Variants in ACACA observed in about 807,000 individuals in gnomAD.
The protein encoded by ACACA is acetyl-CoA carboxylase 1.
In ACACA, 103 loss-of-function variants were observed where a neutral mutation model predicts 296.1. The observed-to-expected ratio is 0.35, with a 90% CI of 0.30 to 0.41. The LOEUF is 0.41. Among genes scored for constraint, ACACA ranks in the 10% least tolerant of loss-of-function variants. The pLI, the probability that ACACA is intolerant of heterozygous loss-of-function variation, is 1.00. For missense variants in ACACA, 1,554 were observed against 2,989.7 expected, an observed-to-expected ratio of 0.52 and a Z score of 11.20; for synonymous variants, 953 against 1,038.6, an observed-to-expected ratio of 0.92 and a Z score of 1.58.
chr17:37,111,397 T>C (rs1267110424), intron 52 of ACACA, 134 bp downstream of exon 52: 1 of 757,162 alleles, frequency 1.3e-6, no homozygotes, highest in Non-Finnish European at 2.3e-6. Flanking sequence ...GTTCTTACCA[T>C]ATAGAGGACA....
At position 37,235,073 on chromosome 17, in the gene ACACA, G is replaced by A. The variant is rs547263573; in HGVS notation, c.3148C>T (p.Leu1050Phe). The stretch of plus-strand genomic sequence containing the variant: ...ATGTCACTTTTATTCTCTTCTCGGA[G>A]GGCGAATACACATTTGTCATAGTGA... The part of the protein sequence containing the change: ...NGHYDKCVFA[L>F]REENKSDMNT... The change falls in exon 25 of 56, where the codon CTC becomes TTC. Residue 1050 changes from leucine (L) to phenylalanine (F), a missense_variant. By Grantham distance (22) the Leu-to-Phe change is conservative. Coordinates refer to ENST00000616317, the MANE Select transcript of ACACA (RefSeq NM_198834.3). The A allele has an allele frequency of 6.2e-7, 1 of 1,613,420 alleles. No homozygotes were observed. Among genetic ancestry groups the A allele is most frequent in the Non-Finnish European group, 8.5e-7 (1 of 1,179,910 alleles).
rs978247508 is a variant in ACACA, at chr17:37,127,420, A to C, written c.5945-1626T>G. On this transcript the variant is annotated intron_variant, in intron 47 of 55. Transcript: ENST00000616317. ...TGTAGTTGTGCTTCACAGTCCCCAGAGAGTAGATCCTACCCAGTTCCGATG... is the reference window on the plus strand; with the variant it reads ...TGTAGTTGTGCTTCACAGTCCCCAGCGAGTAGATCCTACCCAGTTCCGATG... 2.6e-5 allele frequency among the ~76,000 whole-genome samples: 4 copies of C among 152,294 alleles called. No homozygotes were observed. In the East Asian group the frequency reaches 7.7e-4, roughly 29 times the overall value.
intron 9 of ACACA, among the ~76,000 whole-genome samples, chr17:37,272,481 T>C (rs1292903719): frequency 6.6e-6 from 1 of 152,060 alleles, no homozygotes; most frequent in African/African-American, 2.4e-5. Context: ...TTTTCTATGC[T>C]CATATAAACA....
chr17:37,232,177 C>T (rs149915870), intron 25 of ACACA, among the ~76,000 whole-genome samples: 2 of 152,124 alleles, frequency 1.3e-5, no homozygotes, highest in African/African-American at 2.4e-5. Context: ...CATTGACTCA[C>T]GGAAGCCTGA....
At chr17:37,178,432 G>A (rs8076694) in intron 41 of ACACA, among the ~76,000 whole-genome samples, 54,819 of 152,090 alleles carry the variant, frequency 0.36, 13,033 homozygotes, top group African/African-American at 0.67. Context: ...TGAGCATGGA[G>A]AAGACACTGA....
At chr17:37,344,277 G>A (rs952714653) in intron 1 of ACACA, among the ~76,000 whole-genome samples, 5 of 151,986 alleles carry the variant, frequency 3.3e-5, no homozygotes, top group African/African-American at 1.2e-4. Flanking sequence ...AGTGGGTTGG[G>A]CCGGGCATGG....
rs1374592473 is a variant in ACACA at position 37,087,382 on chromosome 17, G to A, written c.7086C>T (p.His2362=). 1.2e-6 allele frequency: 2 copies of A among 1,614,114 alleles called. No individual in the cohort carries two copies. The highest frequency in any genetic ancestry group is 1.1e-5 in the South Asian group (1 of 91,070). Residue 2362 remains histidine, a synonymous_variant, in exon 56 of 56, where the codon CAC becomes CAT. Coordinates refer to ENST00000616317, the MANE Select transcript of ACACA (RefSeq NM_198834.3). ...CTTCTGCTCGCTGAGTGGGTGATAT[G>A]TGCTGCGTCATATGGATGATGGAAT... is the stretch of plus-strand genomic sequence containing the variant. ...AMDSIIHMTQ[H]ISPTQRAEVI... is the part of the protein sequence containing the mutation.
intron 50 of ACACA, among the ~76,000 whole-genome samples, chr17:37,120,776 C>T (rs1460695424): frequency 2.0e-5 from 3 of 152,166 alleles, no homozygotes; most frequent in Non-Finnish European, 4.4e-5. Context: ...AAGGTTTCTC[C>T]GTAAATGGTG....
At position 37,188,356 on chromosome 17, in the gene ACACA, C is replaced by A. The variant is rs2077616993; in HGVS notation, c.4697G>T (p.Arg1566Leu). The A allele has an allele frequency of 6.2e-7, 1 of 1,614,090 alleles. No individual in the cohort carries two copies. Among genetic ancestry groups the A allele is most frequent in the Non-Finnish European group, 8.5e-7 (1 of 1,180,012 alleles). The change falls in exon 39 of 56, where the codon CGC becomes CTC. Residue 1566 changes from arginine (R) to leucine (L), a missense_variant. Physicochemically the swap from Arg to Leu is moderately radical, Grantham distance 102. Around this residue, in one of 16 missense-constraint regions of ACACA, gnomAD observed 553 missense variants for 1,043.6 expected, o/e 0.53. Transcript: ENST00000616317. ...GCCAGACTCGTTTGTCAGGAAGAGGCGGATGGGAATTGCTTTTCCAGTTGG... is the reference window on the plus strand; with the variant it reads ...GCCAGACTCGTTTGTCAGGAAGAGGAGGATGGGAATTGCTTTTCCAGTTGG... ...LTPTGKAIPI[R>L]LFLTNESGYY...
At chr17:37,352,285 C>T (rs1479896490) in intron 1 of ACACA, among the ~76,000 whole-genome samples, 2 of 152,014 alleles carry the variant, frequency 1.3e-5, no homozygotes, top group East Asian at 1.9e-4. Flanking sequence ...TAAACTAAGT[C>T]GTTATTTCAA....
intron 24 of ACACA, among the ~76,000 whole-genome samples, chr17:37,237,486 G>A (rs1036891027): frequency 6.6e-5 from 10 of 152,284 alleles, no homozygotes; most frequent in African/African-American, 2.4e-4. Context: ...TCCATGTACA[G>A]AAGCAATGAA....
chr17:37,125,579 T>C, intron 48 of ACACA, 119 bp downstream of exon 48: 1 of 1,025,366 alleles, frequency 9.8e-7, no homozygotes, highest in South Asian at 1.4e-5. Flanking sequence ...TATAATCCAA[T>C]ATTCTCAGAC....
At chr17:37,292,925 G>A (rs536664371) in intron 3 of ACACA, among the ~76,000 whole-genome samples, 25 of 152,260 alleles carry the variant, frequency 1.6e-4, no homozygotes, top group Admixed American at 6.5e-4. Flanking sequence ...GGCACTACCC[G>A]TGCAAAACAG....
intron 1 of ACACA, among the ~76,000 whole-genome samples, chr17:37,370,034 A>G (rs1315195575): frequency 2.2e-5 from 3 of 133,810 alleles, no homozygotes; most frequent in Non-Finnish European, 3.1e-5. Context: ...TTTGAGACAG[A>G]GTCTCACTCT....
chr17:37,302,321 C>A (rs948396480), intron 3 of ACACA, among the ~76,000 whole-genome samples: 8 of 151,706 alleles, frequency 5.3e-5, no homozygotes, highest in Admixed American at 5.3e-4. Flanking sequence ...GCGATTCTCC[C>A]GCCTCAGCCT....
intron 3 of ACACA, among the ~76,000 whole-genome samples, chr17:37,320,061 G>A (rs1190149003): frequency 6.6e-6 from 1 of 151,834 alleles, no homozygotes; most frequent in Non-Finnish European, 1.5e-5. Context: ...GGAGTCTGAA[G>A]GTACAGTGAG....
At chr17:37,129,598 C>G in intron 46 of ACACA, 113 bp from the exon 47 acceptor site, 1 of 1,356,930 alleles carries the variant, frequency 7.4e-7, no homozygotes, top group Non-Finnish European at 1.0e-6. Context: ...GAATTGCACC[C>G]AATAGTCCCA....
intron 3 of ACACA, among the ~76,000 whole-genome samples, chr17:37,310,016 G>C (rs1010510749): frequency 2.6e-5 from 4 of 152,114 alleles, no homozygotes; most frequent in African/African-American, 7.2e-5. Flanking sequence ...CAGCCTGGGT[G>C]ACAGAGCAAG....
At chr17:37,147,323 G>A (rs866126122) in intron 45 of ACACA, among the ~76,000 whole-genome samples, 1 of 152,066 alleles carries the variant, frequency 6.6e-6, no homozygotes, top group African/African-American at 2.4e-5. Context: ...AGAGAAAGAG[G>A]GGGATCTATA....
Sources: gnomAD v4.1 joint callset for allele counts (sites outside exome capture counted in the v4.1 genomes callset) on GRCh38, gnomAD v4.1.1 for gene constraint, gnomAD v4.1.1 regional missense constraint, MANE v1.5 for transcripts, NCBI Gene and HGNC (gene_info 2026-07-23, HGNC 2026-07-21) for gene names.